The following NTM variants were observed in gnomAD, a reference collection of about 807,000 sequenced individuals.
NTM encodes the protein IgLON family member 2.
A neutral mutation model predicts 42.1 loss-of-function variants in NTM; 13 were observed. That is an observed-to-expected ratio of 0.31 (90% CI 0.20 to 0.49). The LOEUF is 0.49. NTM is among the 20% of genes least tolerant of loss of function. NTM has a pLI of 0.99. For synonymous variants in NTM, 187 were observed against 179.2 expected (o/e 1.04, Z -0.35); for missense variants, 373 against 452.8 (o/e 0.82, Z 1.60).
At chr11:132,278,122 A>C (rs1441719328) in intron 4 of NTM, among the ~76,000 whole-genome samples, 1 of 151,952 alleles carries the variant, frequency 6.6e-6, no homozygotes, top group Non-Finnish European at 1.5e-5. Context: ...TTAGTTCAAC[A>C]CTCTGCATCC....
chr11:131,898,206 A>G (rs780632574), intron 1 of NTM, among the ~76,000 whole-genome samples: 5 of 152,212 alleles, frequency 3.3e-5, no homozygotes, highest in Non-Finnish European at 7.3e-5. Context: ...TGTTTGATAA[A>G]TAATAAGAAT....
At chr11:132,022,627 A>C (rs1330338007) in intron 2 of NTM, among the ~76,000 whole-genome samples, 1 of 152,196 alleles carries the variant, frequency 6.6e-6, no homozygotes, top group Non-Finnish European at 1.5e-5. Flanking sequence ...TGTTGAATAT[A>C]ATAATGTCAA....
At chr11:131,467,706 G>A (rs997149454) in intron 1 of NTM, among the ~76,000 whole-genome samples, 4 of 152,162 alleles carry the variant, frequency 2.6e-5, no homozygotes, top group African/African-American at 9.7e-5. Flanking sequence ...AAATAAAATA[G>A]AATTACTGAA....
intron 1 of NTM, among the ~76,000 whole-genome samples, chr11:131,469,952 G>A (rs1952275121): frequency 6.6e-6 from 1 of 152,128 alleles, no homozygotes; most frequent in Non-Finnish European, 1.5e-5. Context: ...CTATGAATCT[G>A]GTCTGCATTT....
intron 1 of NTM, among the ~76,000 whole-genome samples, chr11:131,453,252 TAGG>T (rs1299802296): frequency 6.6e-6 from 1 of 152,156 alleles, no homozygotes; most frequent in African/African-American, 2.4e-5. Context: ...GGTTGGGACA[TAGG>T]AGAAGAAGAA....
chr11:132,159,717 A>G (rs74782858), intron 3 of NTM, among the ~76,000 whole-genome samples: 1 of 152,018 alleles, frequency 6.6e-6, no homozygotes, highest in African/African-American at 2.4e-5. Flanking sequence ...AACTTCCCAG[A>G]AAAAAAAGAA....
chr11:131,844,102 C>T (rs1403837054), intron 1 of NTM, among the ~76,000 whole-genome samples: 1 of 152,152 alleles, frequency 6.6e-6, no homozygotes, highest in Admixed American at 6.5e-5. Context: ...AAAATAATTT[C>T]CTACCCGAAA....
chr11:132,076,843 T>G lies in NTM; in HGVS notation c.168-69439T>G, dbSNP rs374679253. Among the ~76,000 whole-genome samples, 163 of 152,328 alleles carry G rather than the reference T, an allele frequency of 1.1e-3. 7 individuals are homozygous for G. In the South Asian group the frequency reaches 0.033, roughly 30 times the overall value. ...AAAACAGCAAAGCCAATTACAAATT[T>G]ATTATATCTTATCAATATTGGTCTT... On this transcript the variant is annotated intron_variant, in intron 2 of 8. Transcript: ENST00000683400.
At chr11:132,245,358 G>C (rs1416048710) in intron 4 of NTM, among the ~76,000 whole-genome samples, 2 of 152,144 alleles carry the variant, frequency 1.3e-5, no homozygotes, top group East Asian at 1.9e-4. Context: ...GGAAGTTCAA[G>C]TGCAGAGTAG....
At chr11:131,573,906 G>T (rs76675630) in intron 1 of NTM, among the ~76,000 whole-genome samples, 1,964 of 152,268 alleles carry the variant, frequency 0.013, 45 homozygotes, top group African/African-American at 0.045. Flanking sequence ...GAATCTCCAG[G>T]AGTTTCTTCT....
At chr11:132,315,554 ACAAGCACTCTT>A (rs2095406850) in intron 7 of NTM, among the ~76,000 whole-genome samples, 1 of 152,202 alleles carries the variant, frequency 6.6e-6, no homozygotes. Context: ...CCTCATGTTA[ACAAGCACTCTT>A]GAATGTGATG....
intron 1 of NTM, among the ~76,000 whole-genome samples, chr11:131,489,351 G>A (rs1023783574): frequency 1.2e-4 from 18 of 152,194 alleles, no homozygotes; most frequent in Middle Eastern, 3.4e-3. Context: ...TATTCAACCC[G>A]GTAGTTCTCC....
At chr11:131,627,457 T>A (rs1361955040) in intron 1 of NTM, among the ~76,000 whole-genome samples, 1 of 152,146 alleles carries the variant, frequency 6.6e-6, no homozygotes, top group Non-Finnish European at 1.5e-5. Context: ...ATATCTTGAC[T>A]ATTGATGGCC....
At chr11:132,109,708 C>T (rs540894778) in intron 2 of NTM, among the ~76,000 whole-genome samples, 10 of 152,208 alleles carry the variant, frequency 6.6e-5, no homozygotes, top group East Asian at 5.8e-4. Context: ...GGCTCCGGGA[C>T]GCCACATTTT....
chr11:132,047,623 G>T (rs1279561255), intron 2 of NTM, among the ~76,000 whole-genome samples: 1 of 152,236 alleles, frequency 6.6e-6, no homozygotes, highest in South Asian at 2.1e-4. Context: ...ATTCTGAGCA[G>T]ATAGCAGCCT....
At chr11:132,136,904 G>T (rs1424120973) in intron 2 of NTM, among the ~76,000 whole-genome samples, 2 of 152,116 alleles carry the variant, frequency 1.3e-5, no homozygotes, top group South Asian at 2.1e-4. Flanking sequence ...ACACATGCTG[G>T]CTTCCCCAGA....
intron 2 of NTM, among the ~76,000 whole-genome samples, chr11:131,928,988 A>T (rs1408799893): frequency 6.6e-6 from 1 of 152,208 alleles, no homozygotes; most frequent in African/African-American, 2.4e-5. Flanking sequence ...TGTAGTTTAG[A>T]ATCATTCAAT....
chr11:131,648,860 C>T (rs1431602033), intron 1 of NTM, among the ~76,000 whole-genome samples: 1 of 152,058 alleles, frequency 6.6e-6, no homozygotes, highest in Non-Finnish European at 1.5e-5. Context: ...TCTGGGAGGC[C>T]TTTTTAAGGA....
At chr11:131,661,604 G>A (rs2068083475) in intron 1 of NTM, among the ~76,000 whole-genome samples, 1 of 152,198 alleles carries the variant, frequency 6.6e-6, no homozygotes, top group South Asian at 2.1e-4. Flanking sequence ...ATGAGGCAGG[G>A]TAGATTTCTA....
Sources: gnomAD v4.1 joint callset for allele counts (sites outside exome capture counted in the v4.1 genomes callset) on GRCh38, gnomAD v4.1.1 for gene constraint, MANE v1.5 for transcripts, NCBI Gene and HGNC (gene_info 2026-07-23, HGNC 2026-07-21) for gene names.